The following PSTPIP2 variants were observed in gnomAD, a reference collection of about 807,000 sequenced individuals.
The protein encoded by PSTPIP2 is proline-serine-threonine phosphatase-interacting protein 2.
PSTPIP2 carries 33 observed loss-of-function variants against 63.3 expected under a neutral mutation model. That is an observed-to-expected ratio of 0.52 (90% CI 0.40 to 0.70). The LOEUF (loss-of-function observed/expected upper bound fraction) is 0.70. Ranked by LOEUF, PSTPIP2 falls within the 30% of genes least tolerant of loss-of-function variation. PSTPIP2 has a pLI of 0.00. For synonymous variants in PSTPIP2, 125 were observed against 132.7 expected (o/e 0.94, Z 0.40); for missense variants, 312 against 400.7 (o/e 0.78, Z 1.89).
At chr18:46,020,376 C>T (rs576796298) in intron 3 of PSTPIP2, among the ~76,000 whole-genome samples, 8 of 152,244 alleles carry the variant, frequency 5.3e-5, no homozygotes, top group African/African-American at 1.4e-4. Flanking sequence ...ATCATCTGGC[C>T]GGGCGCGGTA....
At chr18:46,067,117 A>C (rs1909218262) in intron 1 of PSTPIP2, among the ~76,000 whole-genome samples, 1 of 152,016 alleles carries the variant, frequency 6.6e-6, no homozygotes, top group South Asian at 2.1e-4. Context: ...AGAGCAGGTA[A>C]TTGTTCATGA....
At chr18:46,017,410 T>G (rs1410665316) in intron 3 of PSTPIP2, among the ~76,000 whole-genome samples, 1 of 152,176 alleles carries the variant, frequency 6.6e-6, no homozygotes, top group Non-Finnish European at 1.5e-5. Context: ...GGGATTAATT[T>G]TGCTTCCTGA....
intron 1 of PSTPIP2, among the ~76,000 whole-genome samples, chr18:46,048,349 A>T (rs1043086792): frequency 6.6e-6 from 1 of 152,238 alleles, no homozygotes; most frequent in Non-Finnish European, 1.5e-5. Context: ...TGACAACTCA[A>T]TTCTAGCCAA....
intron 1 of PSTPIP2, among the ~76,000 whole-genome samples, chr18:46,058,777 A>T (rs568373442): frequency 1.1e-4 from 17 of 152,272 alleles, no homozygotes; most frequent in Non-Finnish European, 2.1e-4. Flanking sequence ...GCTGCAAGAT[A>T]ATTGTCATTA....
intron 2 of PSTPIP2, among the ~76,000 whole-genome samples, 192 bp from the exon 3 acceptor site, chr18:46,024,878 T>C (rs1907521827): frequency 6.6e-6 from 1 of 152,208 alleles, no homozygotes; most frequent in Non-Finnish European, 1.5e-5. Context: ...CCCTCATCTC[T>C]ATGGTGGTCT....
At chr18:46,041,592 G>A (rs767527576) in intron 1 of PSTPIP2, among the ~76,000 whole-genome samples, 19 of 152,074 alleles carry the variant, frequency 1.2e-4, no homozygotes, top group Non-Finnish European at 2.4e-4. Context: ...GCTCTCCAAG[G>A]TTGGAGGGAC....
intron 2 of PSTPIP2, chr18:46,029,022 T>G: frequency 1.2e-6 from 1 of 818,976 alleles, no homozygotes; most frequent in Non-Finnish European, 2.2e-6. Flanking sequence ...CTGGATTAGA[T>G]AACCTATATC....
At chr18:46,029,127 G>A in intron 2 of PSTPIP2, 3 of 839,314 alleles carry the variant, frequency 3.6e-6, no homozygotes, top group Middle Eastern at 2.2e-4. Flanking sequence ...TGCTAATGGG[G>A]AAGAAGTTTT....
chr18:46,044,863 C>A (rs2144116245), intron 1 of PSTPIP2, among the ~76,000 whole-genome samples: 1 of 152,328 alleles, frequency 6.6e-6, no homozygotes, highest in East Asian at 1.9e-4. Flanking sequence ...TGAACAGATA[C>A]TTCTCAAAAG....
intron 3 of PSTPIP2, among the ~76,000 whole-genome samples, chr18:46,019,334 C>T (rs2051887323): frequency 6.6e-6 from 1 of 152,152 alleles, no homozygotes; most frequent in South Asian, 2.1e-4. Flanking sequence ...CCTTACTTTT[C>T]CCACTCTATT....
intron 4 of PSTPIP2, among the ~76,000 whole-genome samples, chr18:46,012,513 G>T (rs596415): frequency 6.6e-6 from 1 of 152,238 alleles, no homozygotes; most frequent in South Asian, 2.1e-4. Flanking sequence ...AGTGGCTCAC[G>T]CCTGTAATCC....
intron 2 of PSTPIP2, chr18:46,028,659 A>C: frequency 1.2e-6 from 1 of 841,134 alleles, no homozygotes. Flanking sequence ...AGATGAGGAA[A>C]TGGTTGACAT....
chr18:45,985,701 G>A (rs906804657), intron 14 of PSTPIP2, among the ~76,000 whole-genome samples: 1 of 151,994 alleles, frequency 6.6e-6, no homozygotes. Context: ...ACCTAAACAT[G>A]TTAGAATTAA....
At chr18:46,013,903 C>T (rs894228502) in intron 4 of PSTPIP2, among the ~76,000 whole-genome samples, 2 of 152,098 alleles carry the variant, frequency 1.3e-5, no homozygotes, top group African/African-American at 4.8e-5. Flanking sequence ...TAGCCTTTAC[C>T]ATTCTCAAGA....
chr18:45,989,372 C>A (rs2051499751), intron 13 of PSTPIP2, among the ~76,000 whole-genome samples: 1 of 152,178 alleles, frequency 6.6e-6, no homozygotes, highest in Admixed American at 6.5e-5. Context: ...TCAGTGGTTT[C>A]CGCTTTTGCA....
At chr18:45,991,473 T>G (rs1209495848) in intron 12 of PSTPIP2, among the ~76,000 whole-genome samples, 1 of 152,204 alleles carries the variant, frequency 6.6e-6, no homozygotes, top group Non-Finnish European at 1.5e-5. Flanking sequence ...AGAGGAACAC[T>G]GAAATTTGAA....
At chr18:46,013,389 A>T (rs1192632663) in intron 4 of PSTPIP2, among the ~76,000 whole-genome samples, 1 of 152,218 alleles carries the variant, frequency 6.6e-6, no homozygotes, top group African/African-American at 2.4e-5. Context: ...GCAAGCATTA[A>T]ACATACTATG....
chr18:46,060,701 G>C (rs564744984), intron 1 of PSTPIP2, among the ~76,000 whole-genome samples: 1 of 152,324 alleles, frequency 6.6e-6, no homozygotes, highest in East Asian at 1.9e-4. Flanking sequence ...GCAGGGGAGG[G>C]TGCTGGTCTT....
Position 46,035,292 on chromosome 18 carries a change from T to C in PSTPIP2, c.134+4655A>G, listed in dbSNP as rs139783930. On this transcript the variant is annotated intron_variant, in intron 2 of 14. Transcript: ENST00000409746. ...AAAAATTAGCTGGGGTGGTGGTACA[T>C]GCCTGTAATCCCAGCTACTCGGGAG... Among the ~76,000 whole-genome samples, 431 of 151,866 alleles carry C rather than the reference T, an allele frequency of 2.8e-3. 6 individuals are homozygous for C. The highest frequency in any genetic ancestry group is 1.0e-2 in the African/African-American group (412 of 41,400).
Sources: allele counts gnomAD v4.1 joint callset (sites outside exome capture counted in the v4.1 genomes callset), GRCh38; gene constraint gnomAD v4.1.1; transcripts MANE v1.5; gene names NCBI Gene and HGNC (gene_info 2026-07-23, HGNC 2026-07-21).